Variants in PFDN1 observed in about 807,000 individuals in gnomAD.
PFDN1 encodes the protein prefoldin 1.
In PFDN1, 6 loss-of-function variants were observed where a neutral mutation model predicts 17.3. The observed-to-expected ratio is 0.35, with a 90% CI of 0.19 to 0.69. The LOEUF (loss-of-function observed/expected upper bound fraction) is 0.69. Ranked by LOEUF, PFDN1 falls within the 30% of genes least tolerant of loss-of-function variation. PFDN1 has a pLI of 0.65. For missense variants in PFDN1, 113 were observed against 146.2 expected (o/e 0.77, Z 1.17); for synonymous variants, 58 against 50.1 (o/e 1.16, Z -0.67).
chr5:140,291,670 A>C (rs35497327), intron 2 of PFDN1, among the ~76,000 whole-genome samples: 4,200 of 48,634 alleles, frequency 0.086, 183 homozygotes, highest in African/African-American at 0.2. Context: ...ACATATAGAC[A>C]AAAAAAAAGA....
intron 3 of PFDN1, chr5:140,273,772 T>C: frequency 3.6e-6 from 1 of 278,386 alleles, no homozygotes; most frequent in East Asian, 1.8e-4. Context: ...GGTTTCCTTA[T>C]TCTTATTCTG....
chr5:140,285,656 T>A (rs984098382), intron 2 of PFDN1, among the ~76,000 whole-genome samples: 62 of 151,098 alleles, frequency 4.1e-4, no homozygotes, highest in South Asian at 8.4e-4. Context: ...GAAAAAAAAA[T>A]TTTTTTTTAA....
intron 3 of PFDN1, among the ~76,000 whole-genome samples, chr5:140,250,820 C>T (rs1406385484): frequency 6.6e-6 from 1 of 152,224 alleles, no homozygotes; most frequent in East Asian, 1.9e-4. Flanking sequence ...TGCCCTCTCA[C>T]CCCCTGCCCC....
intron 3 of PFDN1, among the ~76,000 whole-genome samples, chr5:140,266,993 G>A (rs1765142213): frequency 6.6e-6 from 1 of 152,160 alleles, no homozygotes; most frequent in South Asian, 2.1e-4. Context: ...GTTAAATGCA[G>A]GTGTACTGGA....
intron 3 of PFDN1, among the ~76,000 whole-genome samples, chr5:140,264,174 G>A (rs1765105793): frequency 1.3e-5 from 2 of 151,724 alleles, no homozygotes; most frequent in South Asian, 4.1e-4. Flanking sequence ...ACTGAACTGA[G>A]AACTCACTCA....
At chr5:140,268,042 T>C (rs1561501482) in intron 3 of PFDN1, among the ~76,000 whole-genome samples, 2 of 152,240 alleles carry the variant, frequency 1.3e-5, no homozygotes, top group South Asian at 2.1e-4. Context: ...AAGATGACTA[T>C]GTAACCAAAA....
intron 3 of PFDN1, among the ~76,000 whole-genome samples, chr5:140,262,000 G>A (rs541822407): frequency 6.6e-6 from 1 of 151,880 alleles, no homozygotes; most frequent in South Asian, 2.1e-4. Context: ...ATAGAACTGG[G>A]GTAAACAGAG....
intron 2 of PFDN1, among the ~76,000 whole-genome samples, chr5:140,293,416 A>C (rs969411902): frequency 1.1e-4 from 16 of 152,086 alleles, no homozygotes; most frequent in African/African-American, 2.9e-4. Flanking sequence ...TTTTTAAAAC[A>C]GGTCCAAAGC....
intron 3 of PFDN1, among the ~76,000 whole-genome samples, chr5:140,276,184 A>G (rs1285199645): frequency 7.9e-5 from 12 of 152,202 alleles, no homozygotes; most frequent in Admixed American, 7.9e-4. Flanking sequence ...TTAGAGCTCT[A>G]AATCTGTATC....
At chr5:140,296,013 G>T (rs1765648642) in intron 2 of PFDN1, among the ~76,000 whole-genome samples, 1 of 152,050 alleles carries the variant, frequency 6.6e-6, no homozygotes, top group African/African-American at 2.4e-5. Context: ...TTTTAGTTCT[G>T]AGTGTCTCTT....
chr5:140,279,751 C>T (rs1243559843), intron 3 of PFDN1, among the ~76,000 whole-genome samples: 1 of 151,670 alleles, frequency 6.6e-6, no homozygotes, highest in Non-Finnish European at 1.5e-5. Context: ...ATTCCCAGCA[C>T]TTGGGAGGCC....
chr5:140,275,818 G>T (rs1012559985), intron 3 of PFDN1, among the ~76,000 whole-genome samples: 1 of 152,124 alleles, frequency 6.6e-6, no homozygotes, highest in Non-Finnish European at 1.5e-5. Flanking sequence ...AGAGGGTGGG[G>T]AAGCATACTC....
intron 3 of PFDN1, among the ~76,000 whole-genome samples, chr5:140,256,779 T>C (rs1764993856): frequency 1.3e-5 from 2 of 151,862 alleles, no homozygotes; most frequent in African/African-American, 4.8e-5. Context: ...GCAAATCTTA[T>C]TAGCTTACTT....
chr5:140,281,695 T>G (rs1765404598), intron 2 of PFDN1, 162 bp from the exon 3 acceptor site: 2 of 588,912 alleles, frequency 3.4e-6, no homozygotes, highest in South Asian at 3.7e-5. Context: ...TAAACCTTCT[T>G]GGCTGAGAAG....
chr5:140,257,295 T>G (rs905096222), intron 3 of PFDN1, among the ~76,000 whole-genome samples: 11 of 151,150 alleles, frequency 7.3e-5, no homozygotes, highest in African/African-American at 1.2e-4. Flanking sequence ...TTAACCAAGG[T>G]GCTCAGGCTC....
At chr5:140,281,560 T>A in intron 2 of PFDN1, 27 bp from the exon 3 acceptor site, 1 of 1,150,394 alleles carries the variant, frequency 8.7e-7, no homozygotes, top group Non-Finnish European at 1.3e-6. Context: ...AGTTGAAAAT[T>A]AAGCCACATG....
Position 140,300,562 on chromosome 5 carries a change from G to A in PFDN1, c.54C>T (p.Ala18=). The A allele has an allele frequency of 6.2e-7, 1 of 1,609,530 alleles. No individual in the cohort carries two copies. Among genetic ancestry groups the A allele is most frequent in the Admixed American group, 1.7e-5 (1 of 59,306 alleles). The change falls in exon 2 of 4, where the codon GCC becomes GCT. Residue 18 remains alanine, a synonymous_variant. Transcript: ENST00000261813. ...ELKKAFTELQ[A]KVIDTQQKVK... is the part of the protein sequence containing the mutation. ...CCTTCTGTTGAGTGTCAATAACTTTGGCTTGAAGCTCTGTGAAGGCCTAAT... is the reference window on the plus strand; with the variant it reads ...CCTTCTGTTGAGTGTCAATAACTTTAGCTTGAAGCTCTGTGAAGGCCTAAT...
intron 3 of PFDN1, among the ~76,000 whole-genome samples, chr5:140,273,352 T>C (rs555717996): frequency 6.6e-6 from 1 of 151,936 alleles, no homozygotes; most frequent in Non-Finnish European, 1.5e-5. Context: ...TATACACCAA[T>C]AGTACCAGCT....
At chr5:140,293,386 A>G (rs992084930) in intron 2 of PFDN1, among the ~76,000 whole-genome samples, 1 of 151,996 alleles carries the variant, frequency 6.6e-6, no homozygotes, top group Non-Finnish European at 1.5e-5. Flanking sequence ...AAGTAGCTAA[A>G]TGAATCAATT....
Sources: allele counts gnomAD v4.1 joint callset (sites outside exome capture counted in the v4.1 genomes callset), GRCh38; gene constraint gnomAD v4.1.1; transcripts MANE v1.5; gene names NCBI Gene and HGNC (gene_info 2026-07-23, HGNC 2026-07-21).